EFTUD2: variants seen among roughly 807,000 people sequenced by gnomAD.
EFTUD2 encodes the protein elongation factor Tu GTP binding domain containing 2, also known as 116 kDa U5 small nuclear ribonucleoprotein component.
Under a neutral mutation model 114.3 loss-of-function variants are expected in EFTUD2, and 9 were observed. The ratio of observed to expected loss-of-function variants is 0.08; its 90% confidence interval spans 0.05 to 0.14. The LOEUF (loss-of-function observed/expected upper bound fraction) is 0.14, where lower values mean the gene tolerates loss of function less well. EFTUD2 is among the 10% of genes least tolerant of loss of function. The pLI is 1.00. For missense variants in EFTUD2, 765 were observed against 1,241.2 expected, an observed-to-expected ratio of 0.62 and a Z score of 5.76; for synonymous variants, 449 against 462.3, an observed-to-expected ratio of 0.97 and a Z score of 0.37.
chr17:44,883,550 T>C lies in EFTUD2; in HGVS notation c.426+99A>G. The C allele has an allele frequency of 5.2e-6, 6 of 1,146,402 alleles. No individual in the cohort carries two copies. In the South Asian group the frequency reaches 6.2e-5, roughly 12 times the overall value. The allele number at this position is 1,146,402 out of a possible 1,614,324, so 71.0% of individuals were successfully genotyped here. A position where few individuals can be genotyped will look rare whatever the true frequency, so the allele number is the denominator to read the frequency against. On this transcript the variant is annotated intron_variant, in intron 5 of 27. Transcript: ENST00000426333. Reference sequence around the variant, plus strand: ...GCACCCCTAGTCAGGAGGTTGAGCCTTGTGACCTCAAACCTCAACCGCTGT... The same window carrying C: ...GCACCCCTAGTCAGGAGGTTGAGCCCTGTGACCTCAAACCTCAACCGCTGT...
chr17:44,875,749 T>A (rs559044777), intron 10 of EFTUD2, 185 bp downstream of exon 10: 1 of 632,810 alleles, frequency 1.6e-6, no homozygotes, highest in Non-Finnish European at 2.8e-6. Flanking sequence ...CTGATCATAA[T>A]AGTAAAATGA....
chr17:44,883,986 G>A (rs2051119688), intron 4 of EFTUD2: 1 of 443,790 alleles, frequency 2.3e-6, no homozygotes, highest in Non-Finnish European at 4.2e-6. Flanking sequence ...GGAAGAAGAG[G>A]CTGGGCATGG....
Position 44,886,732 on chromosome 17 carries a change from C to T in EFTUD2, c.124G>A (p.Asp42Asn), listed in dbSNP as rs1343975552. ...TCGTCATGATCTCCTACGTCATCGT[C>T]GTCGTCATCATCATCCATCTGAAAG... ...DLDEMDDDDD[D>N]DDVGDHDDDH... Residue 42 changes from aspartate (D) to asparagine (N), a missense_variant, in exon 3 of 28, where the codon GAC (aspartate) becomes AAC (asparagine). By Grantham distance (23) the Asp-to-Asn change is conservative. Around this residue, in one of 6 missense-constraint regions of EFTUD2, gnomAD observed 121 missense variants for 133.7 expected, o/e 0.90. Transcript: ENST00000426333. The T allele has an allele frequency of 5.0e-6, 8 of 1,613,774 alleles. No individual in the cohort carries two copies. Among genetic ancestry groups the T allele is most frequent in the African/African-American group, 2.7e-5 (2 of 75,032 alleles).
chr17:44,878,203 C>G (rs891105692), intron 9 of EFTUD2, among the ~76,000 whole-genome samples: 11 of 152,248 alleles, frequency 7.2e-5, no homozygotes, highest in Non-Finnish European at 8.8e-5. Context: ...ATTGTAGGAA[C>G]AAGCCAAGAA....
chr17:44,882,808 A>G (rs1400151038), intron 6 of EFTUD2, among the ~76,000 whole-genome samples: 3 of 152,200 alleles, frequency 2.0e-5, no homozygotes, highest in African/African-American at 7.2e-5. Context: ...TATTAATACT[A>G]TAACAGGAAA....
At chr17:44,863,258 A>T (rs1420463946) in intron 15 of EFTUD2, 1 of 259,216 alleles carries the variant, frequency 3.9e-6, no homozygotes, top group East Asian at 8.0e-5. Context: ...ATGATAAGAA[A>T]CTAGACAGCC....
At position 44,881,718 on chromosome 17, in the gene EFTUD2, C is replaced by T; in HGVS notation, c.497G>A (p.Cys166Tyr). 6.2e-7 allele frequency: 1 copy of T among 1,614,054 alleles called. No individual in the cohort carries two copies. The highest frequency in any genetic ancestry group is 8.5e-7 in the Non-Finnish European group (1 of 1,179,970). Residue 166 changes from cysteine (C) to tyrosine (Y), a missense_variant, in exon 7 of 28, where the codon TGC becomes TAC. Cys to Tyr is a radical substitution (Grantham distance 194). This residue lies in a region of EFTUD2 where 251 missense variants were observed against 357.7 expected (regional missense o/e 0.70). Coordinates refer to ENST00000426333, the MANE Select transcript of EFTUD2 (RefSeq NM_004247.4). ...EIRKRYDQDLCYTDILFTEQE... is the reference protein window; with the variant it reads ...EIRKRYDQDLYYTDILFTEQE... ...CTCTGTGAAGAGGATGTCAGTATAG[C>T]ACAGCTGAAAAAAAATTAACTGTTG...
Position 44,876,218 on chromosome 17 carries a change from G to A in EFTUD2, c.703-118C>T, listed in dbSNP as rs941611191. The A allele has an allele frequency of 4.9e-6, 6 of 1,216,060 alleles. No homozygotes were observed. The African/African-American group carries it at 9.1e-5, about 18-fold the overall frequency. The allele number at this position is 1,216,060 out of a possible 1,614,324, so 75.3% of individuals were successfully genotyped here. A position where few individuals can be genotyped will look rare whatever the true frequency, so the allele number is the denominator to read the frequency against. ...AGCCTGGGGAGAAAAAAAGACCTCG[G>A]GAAATATTACTGGGTGGAAGCAGAG... On this transcript the variant is annotated intron_variant, in intron 9 of 27. Transcript: ENST00000426333.
chr17:44,862,688 C>T (rs767700939), intron 16 of EFTUD2, 25 bp downstream of exon 16: 4 of 1,603,034 alleles, frequency 2.5e-6, no homozygotes, highest in East Asian at 2.2e-5. Flanking sequence ...CCAAGGCATA[C>T]TCCTGGGGCT....
At chr17:44,872,074 C>T (rs71373521) in intron 11 of EFTUD2, among the ~76,000 whole-genome samples, 19,463 of 152,120 alleles carry the variant, frequency 0.13, 1,322 homozygotes, top group East Asian at 0.24. Context: ...TTGATGTCTG[C>T]CTCCATACGG....
Position 44,854,380 on chromosome 17 carries a change from TTAGC to T in EFTUD2, c.2260-28_2260-25del, listed in dbSNP as rs771244270. On this transcript the variant is annotated intron_variant, in intron 22 of 27. Coordinates refer to ENST00000426333, the MANE Select transcript of EFTUD2 (RefSeq NM_004247.4). This position sits in a 1 kb window ranked among gnomAD's most constrained non-coding sequence, Gnocchi z 4.3. ...ACCTATAGAGAAACATGAGGCCTCC[TTAGC>T]AGTCGCCCTGGCAACGGCTGAAGCA... The T allele has an allele frequency of 1.4e-5, 22 of 1,609,050 alleles. No individual in the cohort carries two copies. The highest frequency in any genetic ancestry group is 5.1e-5 in the Admixed American group (3 of 59,016).
Position 44,850,292 on chromosome 17 carries a change from G to T in EFTUD2, c.*982C>A. On this transcript the variant is annotated 3_prime_UTR_variant, in exon 28 of 28. Transcript: ENST00000426333. ...CTGAGAGCCAGAGGACGGGTGAAGG[G>T]TTTGATGCCAAGGGGCATTATTTCT... is the stretch of plus-strand genomic sequence containing the variant. 1 of 1,561,862 alleles carries T rather than the reference G, an allele frequency of 6.4e-7. No individual in the cohort carries two copies. The highest frequency in any genetic ancestry group is 8.8e-7 in the Non-Finnish European group (1 of 1,140,754).
At chr17:44,890,875 C>A (rs2051267076) in intron 2 of EFTUD2, among the ~76,000 whole-genome samples, 1 of 152,180 alleles carries the variant, frequency 6.6e-6, no homozygotes, top group Non-Finnish European at 1.5e-5. Flanking sequence ...TAATATCCTA[C>A]AACCAGCAAC....
chr17:44,880,670 A>C, intron 7 of EFTUD2, 26 bp from the exon 8 acceptor site: 1 of 1,593,372 alleles, frequency 6.3e-7, no homozygotes, highest in Non-Finnish European at 8.6e-7. Flanking sequence ...AGTGGTCAAG[A>C]CCTCTTCCTA....
chr17:44,876,978 G>A (rs1196808944), intron 9 of EFTUD2, among the ~76,000 whole-genome samples: 1 of 151,338 alleles, frequency 6.6e-6, no homozygotes, highest in Non-Finnish European at 1.5e-5. Context: ...AGGATTGCTT[G>A]AAGCCAGAAG....
At chr17:44,868,928 T>C (rs201820866) in intron 11 of EFTUD2, among the ~76,000 whole-genome samples, 1 of 152,240 alleles carries the variant, frequency 6.6e-6, no homozygotes, top group East Asian at 1.9e-4. Flanking sequence ...CTGCTAATCC[T>C]GGTCAGACTG....
intron 2 of EFTUD2, among the ~76,000 whole-genome samples, chr17:44,892,481 C>G (rs1259125272): frequency 6.6e-6 from 1 of 152,060 alleles, no homozygotes; most frequent in African/African-American, 2.4e-5. Context: ...AGCCCATGTT[C>G]TTTTCACTAG....
At chr17:44,891,864 A>G (rs982063972) in intron 2 of EFTUD2, 4 of 151,982 alleles carry the variant, frequency 2.6e-5, no homozygotes, top group African/African-American at 9.7e-5. Context: ...CCCAACAAAA[A>G]AATCCTGCCT....
chr17:44,887,411 C>G (rs1194722565), intron 2 of EFTUD2, among the ~76,000 whole-genome samples: 1 of 152,148 alleles, frequency 6.6e-6, no homozygotes, highest in Non-Finnish European at 1.5e-5. Flanking sequence ...AAAGTGGGAA[C>G]AACCAAATGT....
Sources: allele counts gnomAD v4.1 joint callset (sites outside exome capture counted in the v4.1 genomes callset), GRCh38; gene constraint gnomAD v4.1.1; regional missense constraint gnomAD v4.1.1; non-coding constraint Gnocchi (gnomAD v3.1); transcripts MANE v1.5; gene names NCBI Gene and HGNC (gene_info 2026-07-23, HGNC 2026-07-21).